RNF138: variants seen among roughly 807,000 people sequenced by gnomAD.
RNF138 encodes ring finger protein 138.
In RNF138, 12 loss-of-function variants were observed where a neutral mutation model predicts 31.0. The observed-to-expected ratio is 0.39, with a 90% CI of 0.25 to 0.63. The LOEUF (loss-of-function observed/expected upper bound fraction) is 0.63. RNF138 is among the 20% of genes least tolerant of loss of function. RNF138 has a pLI of 0.52. For synonymous variants in RNF138, 105 were observed against 99.5 expected, an observed-to-expected ratio of 1.06 and a Z score of -0.33; for missense variants, 192 against 300.1, an observed-to-expected ratio of 0.64 and a Z score of 2.66.
intron 2 of RNF138, among the ~76,000 whole-genome samples, chr18:32,095,386 G>A (rs975786760): frequency 6.6e-6 from 1 of 152,202 alleles, no homozygotes; most frequent in Non-Finnish European, 1.5e-5. Context: ...TGCCCAGTCA[G>A]ATCTTGAACT....
At chr18:32,110,922 A>T (rs1224420160) in intron 2 of RNF138, among the ~76,000 whole-genome samples, 1 of 151,942 alleles carries the variant, frequency 6.6e-6, no homozygotes, top group Non-Finnish European at 1.5e-5. Flanking sequence ...CTGAAACTAC[A>T]GGCGCCTGTC....
intron 4 of RNF138, among the ~76,000 whole-genome samples, chr18:32,120,867 G>A (rs2040292605): frequency 6.6e-6 from 1 of 152,130 alleles, no homozygotes; most frequent in Non-Finnish European, 1.5e-5. Flanking sequence ...GTACTGGCTG[G>A]GGGCGGTGGC....
At position 32,091,891 on chromosome 18, in the gene RNF138, A is replaced by G. The variant is rs562752866; in HGVS notation, c.-422A>G. The G allele has an allele frequency of 0.015, 2,223 of 152,234 alleles. 18 individuals are homozygous for G. The highest frequency in any genetic ancestry group is 0.023 in the Non-Finnish European group (1,571 of 68,034). 9.4% of individuals were successfully genotyped at this position (152,234 alleles called of 1,614,324 possible). ...CGGAAGGCGCCGTGCGCCGGTTGCTATACAGGCCGCACTTCACACCCCGTG... is the reference window on the plus strand; with the variant it reads ...CGGAAGGCGCCGTGCGCCGGTTGCTGTACAGGCCGCACTTCACACCCCGTG... On this transcript the variant is annotated 5_prime_UTR_variant, in exon 1 of 8. Coordinates refer to ENST00000261593, the MANE Select transcript of RNF138 (RefSeq NM_016271.5).
At chr18:32,095,084 G>A (rs1050293032) in intron 2 of RNF138, among the ~76,000 whole-genome samples, 4 of 152,196 alleles carry the variant, frequency 2.6e-5, no homozygotes, top group African/African-American at 4.8e-5. Context: ...GAGAAAAAAA[G>A]TTTAATTTGG....
intron 2 of RNF138, among the ~76,000 whole-genome samples, chr18:32,106,131 A>C (rs930071226): frequency 6.6e-6 from 1 of 152,134 alleles, no homozygotes; most frequent in Non-Finnish European, 1.5e-5. Flanking sequence ...TTTTAGGGTG[A>C]AGTGTTTATT....
intron 2 of RNF138, among the ~76,000 whole-genome samples, chr18:32,093,135 GC>G (rs1568220582): frequency 4.0e-5 from 6 of 150,480 alleles, no homozygotes; most frequent in African/African-American, 1.5e-4. Context: ...CCGCTCTCCC[GC>G]TCTCCCGCTC....
At chr18:32,107,270 G>A (rs2040049161) in intron 2 of RNF138, among the ~76,000 whole-genome samples, 1 of 151,004 alleles carries the variant, frequency 6.6e-6, no homozygotes, top group Non-Finnish European at 1.5e-5. Context: ...ACAGGTGCAC[G>A]CTGCCACGCC....
chr18:32,095,447 C>T (rs180917338), intron 2 of RNF138, among the ~76,000 whole-genome samples: 1 of 152,286 alleles, frequency 6.6e-6, no homozygotes, highest in Non-Finnish European at 1.5e-5. Context: ...GCTGGGATGA[C>T]AGGCGTGAGG....
rs2040384364 is a variant in RNF138, at chr18:32,126,411, C to T, written c.562-282C>T. ...AGCCAGTTAGTGATAACTGTCATTACAGTTGGTATTATTAAAAGCTAGATG... is the reference window on the plus strand; with the variant it reads ...AGCCAGTTAGTGATAACTGTCATTATAGTTGGTATTATTAAAAGCTAGATG... On this transcript the variant is annotated intron_variant, in intron 6 of 7. Transcript: ENST00000261593. Among the ~76,000 whole-genome samples, 5 of 152,210 alleles carry T rather than the reference C, an allele frequency of 3.3e-5. No homozygotes were observed. In the South Asian group the frequency reaches 8.3e-4, roughly 25 times the overall value.
At chr18:32,126,633 A>C (rs2040388624) in intron 6 of RNF138, 60 bp from the exon 7 acceptor site, 5 of 1,050,438 alleles carry the variant, frequency 4.8e-6, no homozygotes, top group Middle Eastern at 3.1e-4. Context: ...TAATACTGTC[A>C]ATTGTATAAT....
intron 2 of RNF138, among the ~76,000 whole-genome samples, chr18:32,093,453 C>T (rs2039746091): frequency 1.1e-4 from 17 of 152,204 alleles, no homozygotes; most frequent in Admixed American, 1.1e-3. Flanking sequence ...ACAGAACACC[C>T]TCGAGAGCGT....
In RNF138 at chr18:32,106,716, C is replaced by T. The variant is rs558695385; in HGVS notation, c.111-5038C>T. Among the ~76,000 whole-genome samples, 79 of 151,824 alleles carry T rather than the reference C, an allele frequency of 5.2e-4. 1 individual carries two copies. The South Asian group carries it at 0.014, about 27-fold the overall frequency. On this transcript the variant is annotated intron_variant, in intron 2 of 7. Transcript: ENST00000261593. ...AGTAGCTGGGACTACAGGCGCCCGT[C>T]ACCATGCCTAGCTAATTTTTTGTAT...
intron 4 of RNF138, among the ~76,000 whole-genome samples, chr18:32,122,113 C>T (rs1053602806): frequency 7.2e-5 from 11 of 152,182 alleles, no homozygotes; most frequent in African/African-American, 1.2e-4. Context: ...GTGATCCACC[C>T]GCCTCAGCCT....
intron 5 of RNF138, 52 bp downstream of exon 5, chr18:32,123,626 C>T: frequency 2.9e-6 from 3 of 1,048,590 alleles, no homozygotes; most frequent in Middle Eastern, 2.3e-4. Flanking sequence ...ATATTTATCA[C>T]TTATCAAATA....
At chr18:32,128,682 T>C (rs1311247410) in intron 7 of RNF138, among the ~76,000 whole-genome samples, 1 of 152,242 alleles carries the variant, frequency 6.6e-6, no homozygotes, top group African/African-American at 2.4e-5. Context: ...TTTCATTTTT[T>C]ATTTTTATTT....
intron 2 of RNF138, among the ~76,000 whole-genome samples, chr18:32,104,528 T>G (rs2039996831): frequency 6.6e-6 from 1 of 152,106 alleles, no homozygotes; most frequent in Non-Finnish European, 1.5e-5. Context: ...GAGATAAAAT[T>G]GTCATAATTT....
intron 5 of RNF138, chr18:32,124,182 T>A (rs1284696626): frequency 6.5e-6 from 1 of 153,052 alleles, no homozygotes; most frequent in East Asian, 1.9e-4. Flanking sequence ...TAAAACTCAG[T>A]GATGCTTGAT....
At chr18:32,128,195 G>A (rs2040414343) in intron 7 of RNF138, among the ~76,000 whole-genome samples, 1 of 152,226 alleles carries the variant, frequency 6.6e-6, no homozygotes, top group Admixed American at 6.5e-5. Flanking sequence ...AAATTAAGGA[G>A]TAGTTTTATA....
At chr18:32,128,538 A>C (rs906724878) in intron 7 of RNF138, among the ~76,000 whole-genome samples, 12 of 152,178 alleles carry the variant, frequency 7.9e-5, no homozygotes, top group East Asian at 3.8e-4. Flanking sequence ...ACTGCCCCCC[A>C]AAAAATTTCT....
Sources: gnomAD v4.1 joint callset for allele counts (sites outside exome capture counted in the v4.1 genomes callset) on GRCh38, gnomAD v4.1.1 for gene constraint, MANE v1.5 for transcripts, NCBI Gene and HGNC (gene_info 2026-07-23, HGNC 2026-07-21) for gene names.